Variants in SLC11A2 observed in about 807,000 individuals in gnomAD.
The protein encoded by SLC11A2 is solute carrier family 11 member 2.
Under a neutral mutation model 68.0 loss-of-function variants are expected in SLC11A2, and 38 were observed. The ratio of observed to expected loss-of-function variants is 0.56; its 90% confidence interval spans 0.43 to 0.73. The LOEUF (loss-of-function observed/expected upper bound fraction) is 0.73, where lower values mean the gene tolerates loss of function less well. Among genes scored for constraint, SLC11A2 ranks in the 30% least tolerant of loss-of-function variants. The probability of loss-of-function intolerance (pLI) is 0.00; values close to 1 mark genes in which losing one functional copy is unlikely to be tolerated. For synonymous variants in SLC11A2, 242 were observed against 250.6 expected (o/e 0.97, Z 0.32); for missense variants, 517 against 690.5 (o/e 0.75, Z 2.82).
chr12:50,969,023 G>A, the SLC11A2 span, among the ~76,000 whole-genome samples: 86 of 152,078 alleles, frequency 5.7e-4, no homozygotes, highest in East Asian at 0.015. Context: ...AGCTGGGCAC[G>A]GTGGCTCACG....
At chr12:50,964,533 T>C in the SLC11A2 span, among the ~76,000 whole-genome samples, 6 of 152,186 alleles carry the variant, frequency 3.9e-5, no homozygotes, top group Non-Finnish European at 8.8e-5. Flanking sequence ...AGGGATGTCC[T>C]GTGTAATGAA....
At chr12:51,009,107 T>C in intron 2 of SLC11A2, 4 of 1,444,138 alleles carry the variant, frequency 2.8e-6, no homozygotes, top group Non-Finnish European at 3.8e-6. Context: ...CTATATTTGG[T>C]AGGACTTACT....
In SLC11A2 at chr12:51,000,574, C is replaced by T. The variant is rs139913771; in HGVS notation, c.430-155G>A. ...ATACCAGAACGTGCCTCCACTTGGC[C>T]GATCACTGCACTGTGGCTCTCACCT... is the stretch of plus-strand genomic sequence containing the variant. On this transcript the variant is annotated intron_variant, in intron 5 of 15. Transcript: ENST00000262052. 6.4e-4 allele frequency: 432 copies of T among 677,636 alleles called. 1 individual carries two copies. In the African/African-American group the frequency reaches 6.8e-3, roughly 11 times the overall value. The allele number at this position is 677,636 out of a possible 1,614,324, so 42.0% of individuals were successfully genotyped here. A position where few individuals can be genotyped will look rare whatever the true frequency, so the allele number is the denominator to read the frequency against.
intron 2 of SLC11A2, among the ~76,000 whole-genome samples, chr12:51,010,109 G>C (rs965180881): frequency 6.6e-6 from 1 of 151,940 alleles, no homozygotes; most frequent in African/African-American, 2.4e-5. Context: ...CATTGAACCG[G>C]GGAGGCGGAG....
chr12:51,026,468 G>C (rs1038129499), upstream of SLC11A2: 11 of 736,998 alleles, frequency 1.5e-5, no homozygotes, highest in Non-Finnish European at 2.0e-5. Flanking sequence ...CAGCGGCCGG[G>C]ATGCGTGGCC....
intron 5 of SLC11A2, among the ~76,000 whole-genome samples, chr12:51,001,595 A>AG (rs549792889): frequency 2.0e-5 from 3 of 149,022 alleles, no homozygotes; most frequent in Non-Finnish European, 4.5e-5. Flanking sequence ...CAAAAAAAAA[A>AG]AAAAAAAGAA....
At chr12:51,001,759 C>A (rs1942265656) in intron 5 of SLC11A2, among the ~76,000 whole-genome samples, 1 of 151,876 alleles carries the variant, frequency 6.6e-6, no homozygotes, top group South Asian at 2.1e-4. Context: ...GCCTAAGCCC[C>A]AGTGGTCAAG....
the SLC11A2 span, among the ~76,000 whole-genome samples, chr12:50,972,940 G>C: frequency 1.3e-5 from 2 of 152,318 alleles, no homozygotes; most frequent in African/African-American, 2.4e-5. Context: ...AGCGAGGCTG[G>C]GGGAGGGGCG....
chr12:50,996,805 G>A lies in SLC11A2; in HGVS notation c.831+12C>T. 6.2e-7 allele frequency: 1 copy of A among 1,613,414 alleles called. No individual in the cohort carries two copies. The highest frequency in any genetic ancestry group is 2.2e-5 in the East Asian group (1 of 44,866). On this transcript the variant is annotated intron_variant, in intron 9 of 15. Coordinates refer to ENST00000262052, the MANE Select transcript of SLC11A2 (RefSeq NM_000617.3). ...CTGTCTAGGAGGTGAAGGAGATAAG[G>A]GCCTTGCTCACCTTGACTAAGGCAG...
At chr12:50,989,670 G>A (rs796812104) in intron 15 of SLC11A2, among the ~76,000 whole-genome samples, 8 of 152,280 alleles carry the variant, frequency 5.3e-5, no homozygotes, top group African/African-American at 1.7e-4. Flanking sequence ...TTGAAGTTAA[G>A]TTCCTAGATC....
downstream of SLC11A2, among the ~76,000 whole-genome samples, chr12:50,984,156 T>G (rs1039167806): frequency 1.3e-5 from 2 of 151,342 alleles, no homozygotes; most frequent in Non-Finnish European, 2.9e-5. Flanking sequence ...AAATGCCAAG[T>G]ACACCAATAT....
intron 8 of SLC11A2, 130 bp downstream of exon 8, chr12:50,999,044 G>A (rs907469895): frequency 2.6e-6 from 2 of 754,832 alleles, no homozygotes; most frequent in African/African-American, 1.8e-5. Flanking sequence ...GGGAAAAATT[G>A]GCTTTTTGTT....
At chr12:51,026,004 G>A in intron 1 of SLC11A2, 4 of 1,014,422 alleles carry the variant, frequency 3.9e-6, no homozygotes, top group Non-Finnish European at 4.7e-6. Context: ...CGCGCCATCC[G>A]GTGCAGCTGG....
chr12:50,992,114 G>A (rs1941209336), intron 13 of SLC11A2, 76 bp downstream of exon 13: 4 of 1,447,972 alleles, frequency 2.8e-6, no homozygotes, highest in Non-Finnish European at 3.9e-6. Flanking sequence ...CCAGCACTCA[G>A]CTAGGCTTGG....
At chr12:50,968,636 G>C in the SLC11A2 span, among the ~76,000 whole-genome samples, 10 of 152,062 alleles carry the variant, frequency 6.6e-5, no homozygotes, top group African/African-American at 2.4e-4. Flanking sequence ...CCACCTCCCA[G>C]GTTCAAGTGA....
rs377660439 is a variant in SLC11A2, at chr12:50,994,641, A to G, written c.991-11T>C. The stretch of plus-strand genomic sequence containing the variant: ...TGTACAGACTTCAACCTAGAACCCA[A>G]AGCAATTCAACAGCAACTTTTGTTT... On this transcript the variant is annotated splice_polypyrimidine_tract_variant and intron_variant, in intron 10 of 15. Coordinates refer to ENST00000262052, the MANE Select transcript of SLC11A2 (RefSeq NM_000617.3). 3.2e-6 allele frequency: 5 copies of G among 1,576,920 alleles called. No individual in the cohort carries two copies. The highest frequency in any genetic ancestry group is 2.7e-5 in the African/African-American group (2 of 74,234).
intron 11 of SLC11A2, among the ~76,000 whole-genome samples, chr12:50,993,588 G>A (rs1478990413): frequency 6.7e-6 from 1 of 149,630 alleles, no homozygotes; most frequent in Non-Finnish European, 1.5e-5. Context: ...CACTTTGGGA[G>A]GCCGAGGGGG....
At chr12:50,955,846 CAAAG>C in the SLC11A2 span, among the ~76,000 whole-genome samples, 2 of 152,142 alleles carry the variant, frequency 1.3e-5, no homozygotes, top group East Asian at 1.9e-4. Context: ...TAAACAGAGA[CAAAG>C]AGACATACGC....
At chr12:50,956,479 G>C in the SLC11A2 span, among the ~76,000 whole-genome samples, 1 of 152,168 alleles carries the variant, frequency 6.6e-6, no homozygotes, top group Non-Finnish European at 1.5e-5. Context: ...CCTGCTACAG[G>C]ATGGAGGGTC....
Sources: gnomAD v4.1 joint callset for allele counts (sites outside exome capture counted in the v4.1 genomes callset) on GRCh38, gnomAD v4.1.1 for gene constraint, MANE v1.5 for transcripts, NCBI Gene and HGNC (gene_info 2026-07-23, HGNC 2026-07-21) for gene names.